Variants in SGCD observed in about 807,000 individuals in gnomAD.
SGCD encodes sarcoglycan delta, also known as delta-sarcoglycan.
Under a neutral mutation model 36.6 loss-of-function variants are expected in SGCD, and 18 were observed. The observed-to-expected ratio is 0.49, with a 90% CI of 0.34 to 0.73. The LOEUF is 0.73. SGCD is among the 30% of genes least tolerant of loss of function. The pLI is 0.01. For synonymous variants in SGCD, 133 were observed against 130.6 expected (o/e 1.02, Z -0.12); for missense variants, 387 against 346.7 (o/e 1.12, Z -0.92).
At position 156,764,732 on chromosome 5, in the gene SGCD, G is replaced by A. The variant is rs1757557372; in HGVS notation, c.*5342G>A. The A allele has an allele frequency of 6.6e-6, 1 of 152,170 alleles. No homozygotes were observed. Among genetic ancestry groups the A allele is most frequent in the African/African-American group, 2.4e-5 (1 of 41,440 alleles). 9.4% of individuals were successfully genotyped at this position (152,170 alleles called of 1,614,324 possible). A position where few individuals can be genotyped will look rare whatever the true frequency, so the allele number is the denominator to read the frequency against. ...ATTTGAGAAAGAGCAAGAATGTCAT[G>A]AGCCCTTGATGCAATAGTAAGTGTG... On this transcript the variant is annotated 3_prime_UTR_variant, in exon 9 of 9. Coordinates refer to ENST00000337851, the MANE Select transcript of SGCD (RefSeq NM_000337.6).
chr5:156,700,276 T>C (rs1754477774), intron 7 of SGCD, among the ~76,000 whole-genome samples: 1 of 152,082 alleles, frequency 6.6e-6, no homozygotes, highest in African/African-American at 2.4e-5. Context: ...TTCTCTGTTG[T>C]ACCCTCCAAG....
chr5:155,861,853 A>G, the SGCD span, among the ~76,000 whole-genome samples: 1 of 152,210 alleles, frequency 6.6e-6, no homozygotes, highest in African/African-American at 2.4e-5. Flanking sequence ...GTGAGGAGGG[A>G]TCATAATATT....
At chr5:156,008,241 G>C (rs2127569890) in intron 1 of SGCD, among the ~76,000 whole-genome samples, 1 of 152,244 alleles carries the variant, frequency 6.6e-6, no homozygotes, top group Non-Finnish European at 1.5e-5. Context: ...GAAACATGTA[G>C]GGGAGCCCTT....
intron 1 of SGCD, among the ~76,000 whole-genome samples, chr5:156,030,842 A>G (rs1759334636): frequency 1.3e-5 from 2 of 152,204 alleles, no homozygotes; most frequent in Non-Finnish European, 2.9e-5. Context: ...TAAAGGTACA[A>G]ATAGTACAAA....
At chr5:156,172,638 A>G (rs1047666773) in intron 3 of SGCD, among the ~76,000 whole-genome samples, 11 of 152,180 alleles carry the variant, frequency 7.2e-5, no homozygotes, top group Admixed American at 3.3e-4. Flanking sequence ...TTTAAGACTT[A>G]ATGGGAAATA....
intron 6 of SGCD, among the ~76,000 whole-genome samples, chr5:156,607,634 T>C (rs1761536625): frequency 6.6e-6 from 1 of 152,200 alleles, no homozygotes. Flanking sequence ...CCAGCTCCTC[T>C]TTGTACCTCT....
intron 3 of SGCD, among the ~76,000 whole-genome samples, chr5:156,242,486 T>C (rs1187501649): frequency 1.3e-5 from 2 of 152,300 alleles, no homozygotes; most frequent in South Asian, 2.1e-4. Flanking sequence ...CGTGAGTACA[T>C]GTAAGACTTG....
chr5:155,790,616 G>A, the SGCD span, among the ~76,000 whole-genome samples: 1 of 152,048 alleles, frequency 6.6e-6, no homozygotes, highest in Non-Finnish European at 1.5e-5. Context: ...CTAAAAGCAT[G>A]AGCAATGTGG....
At chr5:156,255,952 T>C (rs1209406045) in intron 3 of SGCD, among the ~76,000 whole-genome samples, 1 of 152,214 alleles carries the variant, frequency 6.6e-6, no homozygotes, top group Non-Finnish European at 1.5e-5. Context: ...GACTTCTTTG[T>C]TGATAAGTAT....
chr5:156,273,610 T>G (rs914136527), intron 3 of SGCD, among the ~76,000 whole-genome samples: 3 of 152,220 alleles, frequency 2.0e-5, no homozygotes, highest in African/African-American at 7.2e-5. Context: ...TCTAATCATC[T>G]AGAAGAAAAG....
intron 1 of SGCD, among the ~76,000 whole-genome samples, chr5:156,011,059 T>C (rs1423137845): frequency 6.6e-6 from 1 of 152,150 alleles, no homozygotes; most frequent in African/African-American, 2.4e-5. Flanking sequence ...TTTATGCATG[T>C]TTACCATTGT....
intron 3 of SGCD, among the ~76,000 whole-genome samples, chr5:156,424,121 A>G (rs1170897166): frequency 6.6e-6 from 1 of 151,842 alleles, no homozygotes; most frequent in Non-Finnish European, 1.5e-5. Flanking sequence ...CCTTCCCAAA[A>G]TCATATTGTT....
intron 1 of SGCD, among the ~76,000 whole-genome samples, chr5:155,895,486 G>A (rs1443255503): frequency 5.3e-5 from 8 of 152,188 alleles, no homozygotes; most frequent in Admixed American, 1.3e-4. Flanking sequence ...TGAGCTTGGC[G>A]ATCCACAGCC....
Position 156,268,405 on chromosome 5 carries a change from T to G in SGCD, c.-43-61129T>G, listed in dbSNP as rs186611439. ...GAGCCATATTGGCTTTACACAATGG[T>G]TGAACTAATTTACTCTCCCACCAAC... On this transcript the variant is annotated intron_variant, in intron 3 of 9. Coordinates refer to the SGCD transcript ENST00000517913. Among the ~76,000 whole-genome samples, 3 of 152,292 alleles carry G rather than the reference T, an allele frequency of 2.0e-5. No individual in the cohort carries two copies. In the East Asian group the frequency reaches 5.8e-4, roughly 29 times the overall value.
At chr5:156,739,683 A>C (rs902285995) in intron 7 of SGCD, 2 of 152,204 alleles carry the variant, frequency 1.3e-5, no homozygotes, top group African/African-American at 4.8e-5. Flanking sequence ...CATATGTTAC[A>C]GGAAGATATT....
chr5:155,847,656 C>G, the SGCD span, among the ~76,000 whole-genome samples: 14,909 of 152,080 alleles, frequency 0.098, 1,135 homozygotes, highest in African/African-American at 0.21. Context: ...GTCCACATAC[C>G]CTGGGGCTAT....
intron 3 of SGCD, among the ~76,000 whole-genome samples, chr5:156,251,583 C>A (rs146342570): frequency 6.6e-6 from 1 of 151,324 alleles, no homozygotes; most frequent in Non-Finnish European, 1.5e-5. Context: ...GGTGCCATCT[C>A]GGCTCACTGC....
At chr5:155,820,032 T>C in the SGCD span, among the ~76,000 whole-genome samples, 1 of 152,174 alleles carries the variant, frequency 6.6e-6, no homozygotes, top group Non-Finnish European at 1.5e-5. Context: ...AGATTGTTAT[T>C]TGGAGCTCTT....
At chr5:156,223,775 C>T (rs1764780690) in intron 3 of SGCD, among the ~76,000 whole-genome samples, 1 of 151,900 alleles carries the variant, frequency 6.6e-6, no homozygotes, top group African/African-American at 2.4e-5. Context: ...GGCTTTGTGG[C>T]TGATGTGACA....
Sources: allele counts gnomAD v4.1 joint callset (sites outside exome capture counted in the v4.1 genomes callset), GRCh38; gene constraint gnomAD v4.1.1; transcripts MANE v1.5; gene names NCBI Gene and HGNC (gene_info 2026-07-23, HGNC 2026-07-21).